ZYG11A: variants seen among roughly 807,000 people sequenced by gnomAD.
ZYG11A encodes the protein protein zyg-11 homolog A.
A neutral mutation model predicts 77.2 loss-of-function variants in ZYG11A; 62 were observed. The observed-to-expected ratio is 0.80, with a 90% CI of 0.65 to 0.99. ZYG11A has a LOEUF of 0.99. Ranked by LOEUF, ZYG11A falls within the 50% of genes least tolerant of loss-of-function variation. The pLI, the probability that ZYG11A is intolerant of heterozygous loss-of-function variation, is 0.00. For synonymous variants in ZYG11A, 315 were observed against 324.6 expected (o/e 0.97, Z 0.32); for missense variants, 828 against 896.8 (o/e 0.92, Z 0.98).
At chr1:52,847,489 G>T (rs1009313148) in intron 1 of ZYG11A, among the ~76,000 whole-genome samples, 16 of 149,886 alleles carry the variant, frequency 1.1e-4, no homozygotes, top group African/African-American at 3.9e-4. Flanking sequence ...CATGACATGA[G>T]CCACCGTGCC....
chr1:52,875,642 TGA>T (rs1267551637), intron 8 of ZYG11A, among the ~76,000 whole-genome samples: 1 of 141,088 alleles, frequency 7.1e-6, no homozygotes, highest in Admixed American at 7.4e-5. Context: ...TGAAATCAAA[TGA>T]GGGGAGTGAG....
chr1:52,854,302 C>T (rs1164559829), intron 1 of ZYG11A, among the ~76,000 whole-genome samples, 163 bp from the exon 2 acceptor site: 2 of 152,102 alleles, frequency 1.3e-5, no homozygotes, highest in African/African-American at 4.8e-5. Flanking sequence ...ATTCAGTTAA[C>T]AGTAGGAATG....
At chr1:52,867,455 A>T in intron 6 of ZYG11A, 84 bp from the exon 7 acceptor site, 1 of 891,128 alleles carries the variant, frequency 1.1e-6, no homozygotes, top group Non-Finnish European at 1.8e-6. Flanking sequence ...TTATAGGATT[A>T]CTTGGGGAAT....
intron 6 of ZYG11A, among the ~76,000 whole-genome samples, chr1:52,867,310 C>T (rs1646043996): frequency 6.6e-6 from 1 of 152,280 alleles, no homozygotes; most frequent in South Asian, 2.1e-4. Context: ...CTTAGATTTG[C>T]TCATCTTTAT....
chr1:52,867,820 C>A, intron 8 of ZYG11A, 43 bp downstream of exon 8: 1 of 1,467,280 alleles, frequency 6.8e-7, no homozygotes, highest in Non-Finnish European at 9.3e-7. Context: ...TAAAAAAAGT[C>A]AAATTTATGA....
At chr1:52,858,638 G>A (rs1284596110) in intron 3 of ZYG11A, among the ~76,000 whole-genome samples, 2 of 149,136 alleles carry the variant, frequency 1.3e-5, no homozygotes, top group Non-Finnish European at 3.0e-5. Context: ...TGGAGACTGA[G>A]TTGTGCTCTT....
chr1:52,861,162 T>G (rs1645919777), intron 4 of ZYG11A, among the ~76,000 whole-genome samples: 1 of 152,186 alleles, frequency 6.6e-6, no homozygotes, highest in Non-Finnish European at 1.5e-5. Context: ...ATAAAAATAA[T>G]TAAGGGTGGC....
chr1:52,891,876 T>C (rs1646549154), intron 13 of ZYG11A, among the ~76,000 whole-genome samples: 1 of 151,852 alleles, frequency 6.6e-6, no homozygotes, highest in Non-Finnish European at 1.5e-5. Flanking sequence ...ATTAAAAAAT[T>C]TGTGAATTAT....
At position 52,866,686 on chromosome 1, in the gene ZYG11A, G is replaced by C. The variant is rs1208497327; in HGVS notation, c.1391+119G>C. 1.7e-5 allele frequency: 10 copies of C among 603,308 alleles called. No individual in the cohort carries two copies. In the Middle Eastern group the frequency reaches 7.8e-4, roughly 47 times the overall value. 37.4% of individuals were successfully genotyped at this position (603,308 alleles called of 1,614,324 possible). A position where few individuals can be genotyped will look rare whatever the true frequency, so the allele number is the denominator to read the frequency against. ...AAGGTTCTGTTGAGCATCTTCCACA[G>C]AGAAGTGATTAGAAGTACCCTACTA... On this transcript the variant is annotated intron_variant, in intron 6 of 13. Coordinates refer to ENST00000371528, the MANE Select transcript of ZYG11A (RefSeq NM_001004339.3).
intron 10 of ZYG11A, 35 bp downstream of exon 10, chr1:52,878,004 T>C (rs1646292259): frequency 6.5e-7 from 1 of 1,537,348 alleles, no homozygotes; most frequent in Non-Finnish European, 8.8e-7. Context: ...TTTTAATTGC[T>C]TAAAAGCAAA....
At chr1:52,882,531 C>T (rs966777250) in intron 11 of ZYG11A, among the ~76,000 whole-genome samples, 1 of 152,176 alleles carries the variant, frequency 6.6e-6, no homozygotes, top group Non-Finnish European at 1.5e-5. Flanking sequence ...TTGGTTTACT[C>T]CCACCTTTTG....
At chr1:52,891,295 AT>A (rs1218118698) in intron 13 of ZYG11A, among the ~76,000 whole-genome samples, 3 of 150,940 alleles carry the variant, frequency 2.0e-5, no homozygotes, top group Non-Finnish European at 4.4e-5. Context: ...AGATATTCCT[AT>A]TTTTTTTCTT....
At chr1:52,868,625 CA>C (rs766348205) in intron 8 of ZYG11A, among the ~76,000 whole-genome samples, 7 of 151,688 alleles carry the variant, frequency 4.6e-5, no homozygotes, top group Non-Finnish European at 8.8e-5. Flanking sequence ...ACTAAAAATA[CA>C]AAAATATGAA....
chr1:52,868,027 C>T (rs1418225302), intron 8 of ZYG11A, among the ~76,000 whole-genome samples: 10 of 118,020 alleles, frequency 8.5e-5, no homozygotes, highest in Non-Finnish European at 1.6e-4. Context: ...AGTGCAGTGG[C>T]GCGATCTCGG....
At chr1:52,865,533 C>T (rs998923908) in intron 5 of ZYG11A, among the ~76,000 whole-genome samples, 5 of 152,020 alleles carry the variant, frequency 3.3e-5, no homozygotes, top group Non-Finnish European at 5.9e-5. Context: ...ATTCATGGTA[C>T]CTTTATTTAT....
intron 12 of ZYG11A, among the ~76,000 whole-genome samples, chr1:52,886,541 C>T (rs1402028567): frequency 7.3e-5 from 11 of 151,314 alleles, no homozygotes; most frequent in African/African-American, 2.7e-4. Context: ...TTTTTTCAAC[C>T]TTTTGAGTCA....
At chr1:52,871,895 A>C (rs1189179993) in intron 8 of ZYG11A, among the ~76,000 whole-genome samples, 1 of 152,126 alleles carries the variant, frequency 6.6e-6, no homozygotes, top group Non-Finnish European at 1.5e-5. Context: ...TTGGAACAAG[A>C]GTATGTTTAT....
intron 10 of ZYG11A, 73 bp downstream of exon 10, chr1:52,878,042 A>ATAAG: frequency 2.0e-5 from 26 of 1,282,662 alleles, no homozygotes; most frequent in Non-Finnish European, 2.7e-5. Flanking sequence ...TACCTACTAT[A>ATAAG]TGCTAGGCAG....
At chr1:52,868,235 A>T (rs1319948932) in intron 8 of ZYG11A, among the ~76,000 whole-genome samples, 4 of 151,810 alleles carry the variant, frequency 2.6e-5, no homozygotes, top group Non-Finnish European at 5.9e-5. Context: ...AAGTGCAGGG[A>T]TTACAGGCGT....
Sources: allele counts gnomAD v4.1 joint callset (sites outside exome capture counted in the v4.1 genomes callset), GRCh38; gene constraint gnomAD v4.1.1; transcripts MANE v1.5; gene names NCBI Gene and HGNC (gene_info 2026-07-23, HGNC 2026-07-21).